PRL: variants seen among roughly 807,000 people sequenced by gnomAD.
PRL encodes the protein decidual prolactin.
PRL carries 24 observed loss-of-function variants against 21.3 expected under a neutral mutation model. The ratio of observed to expected loss-of-function variants is 1.13; its 90% CI spans 0.82 to 1.59. The LOEUF is 1.59. Ranked by LOEUF, PRL falls within the 40% of genes most tolerant of loss-of-function variation. PRL has a pLI of 0.00. For missense variants in PRL, 243 were observed against 286.9 expected, an observed-to-expected ratio of 0.85 and a Z score of 1.10; for synonymous variants, 118 against 115.7, an observed-to-expected ratio of 1.02 and a Z score of -0.13.
At chr6:22,290,777 G>A (rs1345403446) in intron 3 of PRL, 2 of 153,174 alleles carry the variant, frequency 1.3e-5, no homozygotes, top group African/African-American at 2.4e-5. Context: ...CCATGCCAAG[G>A]GGCCCAAATC....
chr6:22,289,432 T>C (rs1325337006), intron 4 of PRL, among the ~76,000 whole-genome samples: 1 of 152,220 alleles, frequency 6.6e-6, no homozygotes, highest in Non-Finnish European at 1.5e-5. Flanking sequence ...AATGGAGATA[T>C]CTATTGCAAA....
chr6:22,300,222 A>G (rs961023540), upstream of PRL, among the ~76,000 whole-genome samples: 3 of 152,208 alleles, frequency 2.0e-5, no homozygotes, highest in Non-Finnish European at 4.4e-5. Context: ...ACATCCTACT[A>G]TTTAGATTAA....
chr6:22,288,954 G>A lies in PRL; in HGVS notation c.492+1220C>T, dbSNP rs978889579. Among the ~76,000 whole-genome samples the A allele has an allele frequency of 6.6e-6, 1 of 151,794 alleles. No homozygotes were observed. Among genetic ancestry groups the A allele is most frequent in the African/African-American group, 2.4e-5 (1 of 41,276 alleles). On this transcript the variant is annotated intron_variant, in intron 4 of 4. Transcript: ENST00000306482. The surrounding 1 kb of genome is among the most constrained non-coding windows in gnomAD (Gnocchi z 4.5). ...TGTGTGCATGTGTGTGTGCGTGCGC[G>A]TGTGTGTGCGTGTGTGTATTCATTG...
chr6:22,292,727 T>A, intron 2 of PRL, 82 bp from the exon 3 acceptor site: 1 of 1,086,234 alleles, frequency 9.2e-7, no homozygotes. Context: ...TACTAATACC[T>A]TTGGCAGATG....
upstream of PRL, among the ~76,000 whole-genome samples, chr6:22,298,956 G>C (rs958090728): frequency 6.6e-6 from 1 of 152,166 alleles, no homozygotes; most frequent in Non-Finnish European, 1.5e-5. Flanking sequence ...CTGCAAAGAG[G>C]TACAGGTTTC....
chr6:22,290,065 A>G (rs184197421), intron 4 of PRL, 109 bp downstream of exon 4: 4 of 1,075,490 alleles, frequency 3.7e-6, no homozygotes, highest in East Asian at 2.5e-5. Flanking sequence ...ATAGCGGTCT[A>G]TAATATGGAA....
intron 3 of PRL, chr6:22,290,881 G>A (rs372613062): frequency 2.6e-5 from 4 of 152,232 alleles, no homozygotes; most frequent in Non-Finnish European, 4.4e-5. Flanking sequence ...ATCCTAGAAC[G>A]AAGAGACAAT....
intron 3 of PRL, among the ~76,000 whole-genome samples, chr6:22,291,292 A>T (rs1266447609): frequency 2.0e-5 from 3 of 152,196 alleles, no homozygotes; most frequent in Admixed American, 1.3e-4. Flanking sequence ...GCATTGCAAC[A>T]CAACGATTAA....
chr6:22,302,069 T>A (rs79365610), upstream of PRL, among the ~76,000 whole-genome samples: 3,203 of 152,178 alleles, frequency 0.021, 109 homozygotes, highest in African/African-American at 0.073. Flanking sequence ...AACTAAAAAA[T>A]ACACTTGTTA....
chr6:22,287,274 A>C lies in PRL; in HGVS notation c.*128T>G. ...TAGATTTTGATGTCTCTAAGGAGTC[A>C]GTTTTTATTTTTTAAGAGGAGACCT... On this transcript the variant is annotated 3_prime_UTR_variant, in exon 5 of 5. Coordinates refer to ENST00000306482, the MANE Select transcript of PRL (RefSeq NM_000948.6). The C allele has an allele frequency of 2.2e-6, 2 of 904,530 alleles. No homozygotes were observed. Among genetic ancestry groups the C allele is most frequent in the Non-Finnish European group, 3.2e-6 (2 of 632,698 alleles). 56.0% of individuals were successfully genotyped at this position (904,530 alleles called of 1,614,324 possible).
At chr6:22,289,210 T>C (rs1760996591) in intron 4 of PRL, among the ~76,000 whole-genome samples, 1 of 152,210 alleles carries the variant, frequency 6.6e-6, no homozygotes, top group Non-Finnish European at 1.5e-5. Context: ...GGTTAAAATG[T>C]GCTTTGTGTT....
chr6:22,302,300 C>A (rs1260129295), upstream of PRL, among the ~76,000 whole-genome samples: 2 of 143,492 alleles, frequency 1.4e-5, no homozygotes, highest in Admixed American at 1.5e-4. Flanking sequence ...ACCCAGAACA[C>A]AAGACATTCC....
chr6:22,292,736 T>C, intron 2 of PRL, 91 bp from the exon 3 acceptor site: 1 of 1,035,776 alleles, frequency 9.7e-7, no homozygotes, highest in Non-Finnish European at 1.4e-6. Context: ...CTTTGGCAGA[T>C]GTGTAATTTT....
intron 4 of PRL, among the ~76,000 whole-genome samples, chr6:22,289,256 A>G (rs1760997605): frequency 6.6e-6 from 1 of 152,204 alleles, no homozygotes; most frequent in Non-Finnish European, 1.5e-5. Flanking sequence ...GAAAATAACC[A>G]AAATGATACA....
chr6:22,292,693 G>T, intron 2 of PRL, 48 bp from the exon 3 acceptor site: 2 of 1,460,400 alleles, frequency 1.4e-6, no homozygotes, highest in South Asian at 1.2e-5. Flanking sequence ...TTTGGGCATT[G>T]AATAAATGAA....
upstream of PRL, among the ~76,000 whole-genome samples, chr6:22,298,226 C>T: frequency 6.6e-6 from 1 of 152,218 alleles, no homozygotes; most frequent in East Asian, 1.9e-4. Context: ...CTGAGCCACT[C>T]TGAGGCCAAG....
upstream of PRL, among the ~76,000 whole-genome samples, chr6:22,298,195 A>C (rs1761216357): frequency 6.6e-6 from 1 of 152,150 alleles, no homozygotes; most frequent in Non-Finnish European, 1.5e-5. Flanking sequence ...TTAACTTATG[A>C]TCTCTCTACC....
chr6:22,294,356 A>G, intron 2 of PRL, 53 bp downstream of exon 2: 2 of 1,601,476 alleles, frequency 1.2e-6, no homozygotes, highest in Non-Finnish European at 8.6e-7. Flanking sequence ...AGCAGAGCCC[A>G]GTAGTTCATG....
upstream of PRL, among the ~76,000 whole-genome samples, chr6:22,299,409 G>A (rs849876): frequency 0.89 from 136,208 of 152,314 alleles, 60,929 homozygotes; most frequent in East Asian, 0.96. Context: ...AAGAACGCTA[G>A]TTTTTAACAT....
Sources: allele counts gnomAD v4.1 joint callset (sites outside exome capture counted in the v4.1 genomes callset), GRCh38; gene constraint gnomAD v4.1.1; non-coding constraint Gnocchi (gnomAD v3.1); transcripts MANE v1.5; gene names NCBI Gene and HGNC (gene_info 2026-07-23, HGNC 2026-07-21).